Variants in TOP1 observed in about 807,000 individuals in gnomAD.
TOP1 encodes the protein DNA topoisomerase I.
Under a neutral mutation model 111.1 loss-of-function variants are expected in TOP1, and 10 were observed. The observed-to-expected ratio is 0.09, with a 90% CI of 0.06 to 0.15. The LOEUF is 0.15. TOP1 is among the 10% of genes least tolerant of loss of function. The pLI, the probability that TOP1 is intolerant of heterozygous loss-of-function variation, is 1.00. For synonymous variants in TOP1, 271 were observed against 302.9 expected (o/e 0.89, Z 1.10); for missense variants, 474 against 926.7 (o/e 0.51, Z 6.34).
Position 41,069,547 on chromosome 20 carries a change from A to G in TOP1, c.156-6624A>G, listed in dbSNP as rs1438288703. Reference sequence around the variant, plus strand: ...CATTTTCTGTTTTGGTCAAGGGTTGATAACAGTACCTGCTTTATCAATCTT... The same window carrying G: ...CATTTTCTGTTTTGGTCAAGGGTTGGTAACAGTACCTGCTTTATCAATCTT... On this transcript the variant is annotated intron_variant, in intron 3 of 20. Transcript: ENST00000361337. The surrounding 1 kb of genome is among the most constrained non-coding windows in gnomAD (Gnocchi z 4.1). Among the ~76,000 whole-genome samples the G allele has an allele frequency of 6.6e-6, 1 of 152,202 alleles. No individual in the cohort carries two copies. Among genetic ancestry groups the G allele is most frequent in the Non-Finnish European group, 1.5e-5 (1 of 68,032 alleles).
At position 41,034,740 on chromosome 20, in the gene TOP1, A is replaced by G. The variant is rs75018144; in HGVS notation, c.58+5285A>G. ...TATCTCATGCATATCTCTGGAGTAT[A>G]TAGATCGTAATATCAACTTTGGCTA... On this transcript the variant is annotated intron_variant, in intron 2 of 20. Coordinates refer to ENST00000361337, the MANE Select transcript of TOP1 (RefSeq NM_003286.4). The surrounding 1 kb of genome is among the most constrained non-coding windows in gnomAD (Gnocchi z 4.0). 0.022 allele frequency among the ~76,000 whole-genome samples: 3,285 copies of G among 152,358 alleles called. 34 individuals carry two copies. Among genetic ancestry groups the G allele is most frequent in the Middle Eastern group, 0.037 (11 of 294 alleles).
At chr20:41,055,444 G>A (rs1187502668) in intron 2 of TOP1, among the ~76,000 whole-genome samples, 1 of 152,196 alleles carries the variant, frequency 6.6e-6, no homozygotes, top group Non-Finnish European at 1.5e-5. Flanking sequence ...CACCACGAGG[G>A]ATGTAGATCT....
Position 41,100,307 on chromosome 20 carries a change from G to GA in TOP1, c.1163+66dup. The GA allele has an allele frequency of 4.3e-6, 6 of 1,399,038 alleles. No individual in the cohort carries two copies. The highest frequency in any genetic ancestry group is 5.9e-6 in the Non-Finnish European group (6 of 1,012,062). The allele number at this position is 1,399,038 out of a possible 1,614,324, so 86.7% of individuals were successfully genotyped here. A position where few individuals can be genotyped will look rare whatever the true frequency, so the allele number is the denominator to read the frequency against. On this transcript the variant is annotated intron_variant, in intron 12 of 20. Coordinates refer to ENST00000361337, the MANE Select transcript of TOP1 (RefSeq NM_003286.4). The surrounding 1 kb of genome is among the most constrained non-coding windows in gnomAD (Gnocchi z 4.4). ...GGAGGGCGTCCTTTATTGTACTTGG[G>GA]AATATTTCCCAGGTTACACAGGACT...
Position 41,114,887 on chromosome 20 carries a change from A to G in TOP1, c.1639-484A>G, listed in dbSNP as rs1293173714. Among the ~76,000 whole-genome samples the G allele has an allele frequency of 6.6e-6, 1 of 152,224 alleles. No individual in the cohort carries two copies. The highest frequency in any genetic ancestry group is 1.5e-5 in the Non-Finnish European group (1 of 68,042). On this transcript the variant is annotated intron_variant, in intron 15 of 20. Coordinates refer to ENST00000361337, the MANE Select transcript of TOP1 (RefSeq NM_003286.4). This position sits in a 1 kb window ranked among gnomAD's most constrained non-coding sequence, Gnocchi z 4.5. Reference sequence around the variant, plus strand: ...AGACACCTCTTCTCATAAGGACACCATAATCAGTAATCAGGTTTTGCTGGC... The same window carrying G: ...AGACACCTCTTCTCATAAGGACACCGTAATCAGTAATCAGGTTTTGCTGGC...
intron 8 of TOP1, among the ~76,000 whole-genome samples, chr20:41,085,397 C>A (rs1406381467): frequency 5.9e-5 from 9 of 152,172 alleles, no homozygotes; most frequent in Admixed American, 3.3e-4. Context: ...AAAATTCAGT[C>A]TTTATGAAGG....
intron 8 of TOP1, among the ~76,000 whole-genome samples, chr20:41,086,876 TTG>T (rs1304003191): frequency 6.6e-6 from 1 of 152,158 alleles, no homozygotes; most frequent in Non-Finnish European, 1.5e-5. Flanking sequence ...CACCGAGTTT[TTG>T]GTGTTGAAAA....
chr20:41,084,995 A>G lies in TOP1; in HGVS notation c.614+427A>G, dbSNP rs1281708710. The stretch of plus-strand genomic sequence containing the variant: ...GCAGTAGTGAAGATCCTTTGAAGCA[A>G]GACATAACCAGAGCCATAAGGAAAG... On this transcript the variant is annotated intron_variant, in intron 8 of 20. Coordinates refer to ENST00000361337, the MANE Select transcript of TOP1 (RefSeq NM_003286.4). Among the ~76,000 whole-genome samples, 4 of 152,172 alleles carry G rather than the reference A, an allele frequency of 2.6e-5. No individual in the cohort carries two copies. In the East Asian group the frequency reaches 7.7e-4, roughly 29 times the overall value.
At position 41,101,635 on chromosome 20, in the gene TOP1, A is replaced by G. The variant is rs1208993439; in HGVS notation, c.1308+282A>G. 6.6e-6 allele frequency among the ~76,000 whole-genome samples: 1 copy of G among 152,242 alleles called. No individual in the cohort carries two copies. Among genetic ancestry groups the G allele is most frequent in the East Asian group, 1.9e-4 (1 of 5,208 alleles). ...ATGCTAGGAATTATGTTGGTAAACA[A>G]GATAGACGTAGGCCCTGCCTTCATA... is the stretch of plus-strand genomic sequence containing the variant. On this transcript the variant is annotated intron_variant, in intron 13 of 20. Transcript: ENST00000361337. This position sits in a 1 kb window ranked among gnomAD's most constrained non-coding sequence, Gnocchi z 4.1.
intron 8 of TOP1, among the ~76,000 whole-genome samples, chr20:41,088,504 A>G (rs996497260): frequency 2.6e-5 from 4 of 152,178 alleles, no homozygotes; most frequent in African/African-American, 9.7e-5. Context: ...CTCTGTCTCA[A>G]AAAATAAATA....
In TOP1 at chr20:41,079,430, C is replaced by A. The variant is rs2033763980; in HGVS notation, c.336-655C>A. Among the ~76,000 whole-genome samples the A allele has an allele frequency of 6.6e-6, 1 of 152,146 alleles. No individual in the cohort carries two copies. On this transcript the variant is annotated intron_variant, in intron 5 of 20. Transcript: ENST00000361337. This position sits in a 1 kb window ranked among gnomAD's most constrained non-coding sequence, Gnocchi z 4.0. ...TATATTTATATTTTGAAGGTAAGATCTTAACAAATAGTAGTGAGACACTCT... is the reference window on the plus strand; with the variant it reads ...TATATTTATATTTTGAAGGTAAGATATTAACAAATAGTAGTGAGACACTCT...
rs541916381 is a variant in TOP1 at position 41,078,522 on chromosome 20, G to A, written c.335+885G>A. On this transcript the variant is annotated intron_variant, in intron 5 of 20. Coordinates refer to ENST00000361337, the MANE Select transcript of TOP1 (RefSeq NM_003286.4). The surrounding 1 kb of genome is among the most constrained non-coding windows in gnomAD (Gnocchi z 5.3). ...GGTCCTTTAGACAAGGAGAAAAGCAGGTGCCCTCTTCAGGCATGTTTCATA... is the reference window on the plus strand; with the variant it reads ...GGTCCTTTAGACAAGGAGAAAAGCAAGTGCCCTCTTCAGGCATGTTTCATA... Among the ~76,000 whole-genome samples, 1 of 152,316 alleles carries A rather than the reference G, an allele frequency of 6.6e-6. No individual in the cohort carries two copies. The highest frequency in any genetic ancestry group is 1.9e-4 in the East Asian group (1 of 5,182).
At chr20:41,051,029 T>A (rs1291446748) in intron 2 of TOP1, among the ~76,000 whole-genome samples, 1 of 152,220 alleles carries the variant, frequency 6.6e-6, no homozygotes, top group Non-Finnish European at 1.5e-5. Context: ...TTTAAATAAT[T>A]TATTCACCCA....
rs567989365 is a variant in TOP1, at chr20:41,097,495, T to G, written c.852+154T>G. Among the ~76,000 whole-genome samples the G allele has an allele frequency of 2.6e-5, 4 of 152,336 alleles. No individual in the cohort carries two copies. The highest frequency in any genetic ancestry group is 4.4e-5 in the Non-Finnish European group (3 of 68,026). ...TTGCGTATTTTTTGTCTTCATTTAC[T>G]ATATTATGTAGGGTTTCTGTCCAAC... On this transcript the variant is annotated intron_variant, in intron 10 of 20. Coordinates refer to ENST00000361337, the MANE Select transcript of TOP1 (RefSeq NM_003286.4). This position sits in a 1 kb window ranked among gnomAD's most constrained non-coding sequence, Gnocchi z 4.2.
intron 5 of TOP1, 70 bp downstream of exon 5, chr20:41,077,707 T>C: frequency 6.8e-7 from 1 of 1,474,402 alleles, no homozygotes; most frequent in Non-Finnish European, 9.5e-7. Context: ...TGTGTTGTAG[T>C]GTTGTCTGAG....
chr20:41,059,409 AAAATAAAT>A (rs55866021), intron 2 of TOP1, among the ~76,000 whole-genome samples: 7,218 of 138,046 alleles, frequency 0.052, 412 homozygotes, highest in African/African-American at 0.14. Context: ...AAACTGCTAG[AAAATAAAT>A]AAATAAATAA....
In TOP1 at chr20:41,082,657, G is replaced by C. The variant is rs542863143; in HGVS notation, c.507+1417G>C. On this transcript the variant is annotated intron_variant, in intron 7 of 20. Transcript: ENST00000361337. This position sits in a 1 kb window ranked among gnomAD's most constrained non-coding sequence, Gnocchi z 4.1. ...AGATGATCAGGTCCTGAATTTAGAA[G>C]GTTGCCGTTTTTTTGACAACTAGTC... Among the ~76,000 whole-genome samples the C allele has an allele frequency of 6.6e-6, 1 of 152,278 alleles. No individual in the cohort carries two copies. The highest frequency in any genetic ancestry group is 2.4e-5 in the African/African-American group (1 of 41,542).
chr20:41,111,834 G>C (rs1364440659), intron 13 of TOP1, among the ~76,000 whole-genome samples: 1 of 152,004 alleles, frequency 6.6e-6, no homozygotes, highest in East Asian at 1.9e-4. Flanking sequence ...TCTGTTTTAT[G>C]CTGTTTTATG....
rs532548285 is a variant in TOP1 at position 41,054,307 on chromosome 20, C to T, written c.59-7087C>T. Among the ~76,000 whole-genome samples, 51 of 152,200 alleles carry T rather than the reference C, an allele frequency of 3.4e-4. No individual in the cohort carries two copies. The East Asian group carries it at 6.8e-3, about 20-fold the overall frequency. ...ATAAGGGGCTTCCCCACCCCGCCCC[C>T]GCACCTGCCCCACTTTGCTTCACAC... On this transcript the variant is annotated intron_variant, in intron 2 of 20. Transcript: ENST00000361337.
chr20:41,029,039 T>C lies in TOP1; in HGVS notation c.-29T>C. The C allele has an allele frequency of 6.5e-7, 1 of 1,544,190 alleles. No individual in the cohort carries two copies. Among genetic ancestry groups the C allele is most frequent in the East Asian group, 2.5e-5 (1 of 39,456 alleles). ...TGCGTCTCCCCCACGCCGCCTCGCC[T>C]GCCGCCGCGCTCGTCCCTCCGGGCC... On this transcript the variant is annotated 5_prime_UTR_variant, in exon 1 of 21. Transcript: ENST00000361337. The surrounding 1 kb of genome is among the most constrained non-coding windows in gnomAD (Gnocchi z 6.1).
Sources: gnomAD v4.1 joint callset for allele counts (sites outside exome capture counted in the v4.1 genomes callset) on GRCh38, gnomAD v4.1.1 for gene constraint, Gnocchi (gnomAD v3.1) non-coding constraint, MANE v1.5 for transcripts, NCBI Gene and HGNC (gene_info 2026-07-23, HGNC 2026-07-21) for gene names.